Variants in KEL observed in about 807,000 individuals in gnomAD.
KEL encodes kell blood group glycoprotein.
In KEL, 96 loss-of-function variants were observed where a neutral mutation model predicts 99.5. The observed-to-expected ratio is 0.97, with a 90% CI of 0.82 to 1.14. The LOEUF (loss-of-function observed/expected upper bound fraction) is 1.14, where lower values mean the gene tolerates loss of function less well. KEL is among the 50% of genes most tolerant of loss of function. KEL has a pLI of 0.00. For synonymous variants in KEL, 355 were observed against 354.8 expected (o/e 1.00, Z -0.01); for missense variants, 926 against 924.2 (o/e 1.00, Z -0.03).
chr7:142,942,199 G>GT, intron 18 of KEL: 4 of 580,776 alleles, frequency 6.9e-6, no homozygotes, highest in South Asian at 6.6e-5. Flanking sequence ...TGGGAATAGA[G>GT]TTTTTTCTAC....
At position 142,943,477 on chromosome 7, in the gene KEL, G is replaced by T; in HGVS notation, c.1703+9C>A. 6.2e-7 allele frequency: 1 copy of T among 1,610,044 alleles called. No homozygotes were observed. Among genetic ancestry groups the T allele is most frequent in the South Asian group, 1.1e-5 (1 of 90,974 alleles). Reference sequence around the variant, plus strand: ...AACTCCCTACCTACCCTTACAGAGTGACCCATACCTGGGATAGCCAGGGTG... The same window carrying T: ...AACTCCCTACCTACCCTTACAGAGTTACCCATACCTGGGATAGCCAGGGTG... On this transcript the variant is annotated intron_variant, in intron 15 of 18. Coordinates refer to ENST00000355265, the MANE Select transcript of KEL (RefSeq NM_000420.3).
chr7:142,945,929 G>A (rs896142917), intron 11 of KEL: 28 of 515,578 alleles, frequency 5.4e-5, no homozygotes, highest in African/African-American at 4.4e-4. Flanking sequence ...AGCCTGGCTC[G>A]ATTTTCTCAT....
Position 142,944,635 on chromosome 7 carries a change from G to C in KEL, c.1413+8C>G, listed in dbSNP as rs1248939008. 2 of 1,609,714 alleles carry C rather than the reference G, an allele frequency of 1.2e-6. No homozygotes were observed. Among genetic ancestry groups the C allele is most frequent in the Middle Eastern group, 1.7e-4 (1 of 6,060 alleles). On this transcript the variant is annotated splice_region_variant and intron_variant, in intron 12 of 18. Transcript: ENST00000355265. ...GGCTCCCACACCAGCCAGGACGCCTGGCCTGACCTTGTCCTGGGCCATGTT... is the reference window on the plus strand; with the variant it reads ...GGCTCCCACACCAGCCAGGACGCCTCGCCTGACCTTGTCCTGGGCCATGTT...
chr7:142,946,391 G>T, intron 10 of KEL, 74 bp from the exon 11 acceptor site: 2 of 1,178,050 alleles, frequency 1.7e-6, no homozygotes, highest in Non-Finnish European at 2.5e-6. Context: ...GTCTTCACTA[G>T]ATCTTCATTC....
rs1206003649 is a variant in KEL, at chr7:142,944,323, A to G, written c.1491T>C (p.Asp497=). 9.9e-6 allele frequency: 16 copies of G among 1,612,714 alleles called. No individual in the cohort carries two copies. Among genetic ancestry groups the G allele is most frequent in the African/African-American group, 2.7e-5 (2 of 74,874 alleles). The change falls in exon 13 of 19, where the codon GAT becomes GAC. Residue 497 remains aspartate, a splice_region_variant and synonymous_variant. Transcript: ENST00000355265. ...KPELARQEYN[D]IQLGSSFLQS... ...GGAGCTGGAAAACACAGGGACCCACATCGTTGTATTCTTGTCGGGCCAGCT... is the reference window on the plus strand; with the variant it reads ...GGAGCTGGAAAACACAGGGACCCACGTCGTTGTATTCTTGTCGGGCCAGCT...
At chr7:142,947,345 C>T (rs1022295502) in intron 10 of KEL, among the ~76,000 whole-genome samples, 11 of 152,234 alleles carry the variant, frequency 7.2e-5, no homozygotes, top group African/African-American at 2.2e-4. Context: ...ATACTCTCCC[C>T]GCAGGAGCTA....
Position 142,943,239 on chromosome 7 carries a change from C to T in KEL, c.1771+37G>A, listed in dbSNP as rs750691476. On this transcript the variant is annotated intron_variant, in intron 16 of 18. Transcript: ENST00000355265. ...TCCCTTGTGGTCTTCCCTTAGGTTC[C>T]CTATTATCCCACCTCCCAGTGGCCC... The T allele has an allele frequency of 8.1e-6, 13 of 1,608,788 alleles. No homozygotes were observed. The Admixed American group carries it at 2.2e-4, about 27-fold the overall frequency.
chr7:142,948,773 T>G (rs1229304797), intron 10 of KEL, among the ~76,000 whole-genome samples: 1 of 152,126 alleles, frequency 6.6e-6, no homozygotes, highest in Non-Finnish European at 1.5e-5. Context: ...AGAACAGCAG[T>G]GCAACATCAG....
chr7:142,946,746 T>A (rs1796542905), intron 10 of KEL: 1 of 249,322 alleles, frequency 4.0e-6, no homozygotes, highest in African/African-American at 2.2e-5. Flanking sequence ...AGATTGCGGA[T>A]GGAAATTCTG....
intron 13 of KEL, 79 bp downstream of exon 13, chr7:142,944,243 GT>G: frequency 8.5e-7 from 1 of 1,179,788 alleles, no homozygotes; most frequent in Non-Finnish European, 1.3e-6. Flanking sequence ...AAAACTGATT[GT>G]CCAACAAAGA....
At chr7:142,946,507 G>A (rs1375596773) in intron 10 of KEL, 190 bp from the exon 11 acceptor site, 3 of 627,440 alleles carry the variant, frequency 4.8e-6, no homozygotes, top group East Asian at 2.7e-5. Flanking sequence ...CTTCCTCAGA[G>A]CTGGTCTCAT....
intron 15 of KEL, 25 bp from the exon 16 acceptor site, chr7:142,943,368 C>T (rs1250159548): frequency 1.2e-6 from 2 of 1,613,656 alleles, no homozygotes; most frequent in Non-Finnish European, 1.7e-6. Context: ...GCTTATTTGA[C>T]CCCCAGAATC....
intron 10 of KEL, 151 bp from the exon 11 acceptor site, chr7:142,946,468 C>T (rs1796533605): frequency 1.3e-5 from 9 of 684,538 alleles, no homozygotes; most frequent in Middle Eastern, 5.5e-4. Context: ...GGGTGATGCA[C>T]ATCACCGATC....
chr7:142,960,893 C>T, intron 4 of KEL, 35 bp downstream of exon 4: 1 of 1,609,262 alleles, frequency 6.2e-7, no homozygotes, highest in Non-Finnish European at 8.5e-7. Context: ...GAGTCACCCA[C>T]TTGCACAGAG....
rs1796475803 is a variant in KEL at position 142,944,745 on chromosome 7, T to G, written c.1315-4A>C. The stretch of plus-strand genomic sequence containing the variant: ...TCGCAGTGAATAATTTCATGGCCTG[T>G]GGGAGTGAGGTCCAGGGACAGGGGG... On this transcript the variant is annotated splice_polypyrimidine_tract_variant and splice_region_variant and intron_variant, in intron 11 of 18. Coordinates refer to ENST00000355265, the MANE Select transcript of KEL (RefSeq NM_000420.3). 1.2e-6 allele frequency: 2 copies of G among 1,610,908 alleles called. No homozygotes were observed. Among genetic ancestry groups the G allele is most frequent in the Non-Finnish European group, 8.5e-7 (1 of 1,177,238 alleles).
Position 142,962,363 on chromosome 7 carries a change from T to G in KEL, c.-157A>C, listed in dbSNP as rs1796980916. ...CGCCTTGTCCCCAGACACACAGGAC[T>G]GGCCTCTGGGTGGAGCCTGCTTATC... On this transcript the variant is annotated 5_prime_UTR_variant, in exon 1 of 19. Transcript: ENST00000355265. 2 of 835,346 alleles carry G rather than the reference T, an allele frequency of 2.4e-6. No homozygotes were observed. The highest frequency in any genetic ancestry group is 1.9e-5 in the Admixed American group (1 of 51,620). The allele number at this position is 835,346 out of a possible 1,614,324, so 51.7% of individuals were successfully genotyped here.
intron 11 of KEL, chr7:142,945,040 G>C (rs1272875635): frequency 2.1e-6 from 1 of 478,738 alleles, no homozygotes. Flanking sequence ...CTCACTCCTG[G>C]GGGCAGGAAC....
At chr7:142,942,279 T>C (rs927533448) in intron 18 of KEL, 155 bp downstream of exon 18, 9 of 649,686 alleles carry the variant, frequency 1.4e-5, no homozygotes, top group Non-Finnish European at 2.2e-5. Context: ...TTCCAAGGGG[T>C]AGGGAGGGAA....
At chr7:142,955,347 C>T (rs1199865551) in intron 6 of KEL, among the ~76,000 whole-genome samples, 1 of 151,948 alleles carries the variant, frequency 6.6e-6, no homozygotes, top group African/African-American at 2.4e-5. Context: ...CAAGAAAAGT[C>T]CTCAATGTAT....
Sources: gnomAD v4.1 joint callset for allele counts (sites outside exome capture counted in the v4.1 genomes callset) on GRCh38, gnomAD v4.1.1 for gene constraint, MANE v1.5 for transcripts, NCBI Gene and HGNC (gene_info 2026-07-23, HGNC 2026-07-21) for gene names.